LHFPL3: variants seen among roughly 807,000 people sequenced by gnomAD.
LHFPL3 encodes LHFPL tetraspan subfamily member 3 protein.
In LHFPL3, 5 loss-of-function variants were observed where a neutral mutation model predicts 19.3. The observed-to-expected ratio is 0.26, with a 90% CI of 0.14 to 0.54. The LOEUF is 0.54. LHFPL3 is among the 20% of genes least tolerant of loss of function. The pLI is 0.94. For synonymous variants in LHFPL3, 133 were observed against 126.2 expected (o/e 1.05, Z -0.36); for missense variants, 249 against 307.4 (o/e 0.81, Z 1.42).
At chr7:104,751,332 G>T (rs1464303468) in intron 2 of LHFPL3, among the ~76,000 whole-genome samples, 2 of 151,546 alleles carry the variant, frequency 1.3e-5, no homozygotes, top group Non-Finnish European at 2.9e-5. Context: ...TCAGGGTAGG[G>T]CTCTTTTGAA....
chr7:104,541,281 T>C (rs182969833), intron 1 of LHFPL3, among the ~76,000 whole-genome samples: 6 of 152,270 alleles, frequency 3.9e-5, no homozygotes, highest in Non-Finnish European at 7.4e-5. Context: ...ATTGCATTAG[T>C]GGTTCACTTA....
chr7:104,639,839 T>C (rs995139432), intron 1 of LHFPL3, among the ~76,000 whole-genome samples: 2 of 152,238 alleles, frequency 1.3e-5, no homozygotes, highest in Non-Finnish European at 2.9e-5. Context: ...ATAATTCCTC[T>C]AAACTGTATA....
chr7:104,528,357 G>T (rs1457468168), intron 1 of LHFPL3, among the ~76,000 whole-genome samples: 1 of 152,192 alleles, frequency 6.6e-6, no homozygotes, highest in East Asian at 1.9e-4. Context: ...AAACAATGTT[G>T]TAATAAGGAA....
chr7:104,385,110 C>G (rs144331871), intron 1 of LHFPL3, among the ~76,000 whole-genome samples: 15 of 152,194 alleles, frequency 9.9e-5, no homozygotes, highest in Admixed American at 9.2e-4. Context: ...GCCTGTAATC[C>G]CAGCATTTCA....
rs571171040 is a variant in LHFPL3, at chr7:104,365,787, C to CAAAAAAAAA, written c.445+36573_445+36581dup. Reference sequence around the variant, plus strand: ...TGGGCGACAGAGCGAGACTCCGTCTCAAAAAAAAAAAAAAAAAAGAAAAGC... The same window carrying CAAAAAAAAA: ...TGGGCGACAGAGCGAGACTCCGTCTCAAAAAAAAAAAAAAAAAAAAAAAAAAAGAAAAGC... On this transcript the variant is annotated intron_variant, in intron 1 of 2. Coordinates refer to ENST00000424859, the MANE Select transcript of LHFPL3 (RefSeq NM_199000.3). Among the ~76,000 whole-genome samples the CAAAAAAAAA allele has an allele frequency of 2.6e-3, 130 of 49,944 alleles. 1 individual carries two copies. Among genetic ancestry groups the CAAAAAAAAA allele is most frequent in the African/African-American group, 0.01 (122 of 12,126 alleles). The allele number at this position is 49,944 out of a possible 152,430, so 32.8% of individuals were successfully genotyped here.
At chr7:104,391,266 A>G (rs1268218456) in intron 1 of LHFPL3, among the ~76,000 whole-genome samples, 3 of 152,166 alleles carry the variant, frequency 2.0e-5, no homozygotes, top group Non-Finnish European at 2.9e-5. Flanking sequence ...GCCCATGCCT[A>G]TGTCCTGAAT....
chr7:104,391,153 T>C (rs1791059103), intron 1 of LHFPL3, among the ~76,000 whole-genome samples: 1 of 152,226 alleles, frequency 6.6e-6, no homozygotes, highest in Non-Finnish European at 1.5e-5. Context: ...ACTCTGATGG[T>C]ACTTTCTTTT....
chr7:104,627,316 A>G (rs540066040), intron 1 of LHFPL3, among the ~76,000 whole-genome samples: 38 of 152,098 alleles, frequency 2.5e-4, no homozygotes, highest in Non-Finnish European at 4.6e-4. Flanking sequence ...CTTCTTTTTT[A>G]AGGCTGAACA....
chr7:104,904,117 C>T lies in LHFPL3; in HGVS notation c.683-2070C>T, dbSNP rs142782031. 1.7e-3 allele frequency among the ~76,000 whole-genome samples: 258 copies of T among 152,272 alleles called. 3 individuals are homozygous for T. The highest frequency in any genetic ancestry group is 6.0e-3 in the African/African-American group (248 of 41,550). On this transcript the variant is annotated intron_variant, in intron 2 of 2. Coordinates refer to ENST00000424859, the MANE Select transcript of LHFPL3 (RefSeq NM_199000.3). The stretch of plus-strand genomic sequence containing the variant: ...CTCAATCTCAGATAATCATTATAGA[C>T]TAATCATCATTATGACATGATCATA...
In LHFPL3 at chr7:104,714,374, A is replaced by G. The variant is rs1335531638; in HGVS notation, c.446-22301A>G. Among the ~76,000 whole-genome samples, 8 of 152,180 alleles carry G rather than the reference A, an allele frequency of 5.3e-5. No individual in the cohort carries two copies. In the South Asian group the frequency reaches 6.2e-4, roughly 12 times the overall value. ...TAGCCAAACATATTGTAAATTATCT[A>G]TTTTTCACCATCTGGATAAATTGCT... On this transcript the variant is annotated intron_variant, in intron 1 of 2. Transcript: ENST00000424859.
chr7:104,754,632 A>G (rs1258210982), intron 2 of LHFPL3, among the ~76,000 whole-genome samples: 1 of 152,238 alleles, frequency 6.6e-6, no homozygotes, highest in African/African-American at 2.4e-5. Context: ...TGCTTAATAT[A>G]TAATTAGTAT....
intron 2 of LHFPL3, among the ~76,000 whole-genome samples, chr7:104,776,246 G>A (rs529064058): frequency 7.9e-5 from 12 of 152,276 alleles, no homozygotes; most frequent in African/African-American, 2.9e-4. Context: ...AAATGTATTT[G>A]GAAATACAAC....
intron 1 of LHFPL3, among the ~76,000 whole-genome samples, chr7:104,726,037 G>C (rs1793584517): frequency 8.4e-6 from 1 of 118,588 alleles, no homozygotes. Context: ...GGGTGACAGA[G>C]TGAGACTCCA....
chr7:104,859,400 G>A (rs1791571862), intron 2 of LHFPL3, among the ~76,000 whole-genome samples: 1 of 152,134 alleles, frequency 6.6e-6, no homozygotes, highest in African/African-American at 2.4e-5. Context: ...CAGGCATGGT[G>A]GCTCATGCCT....
chr7:104,737,599 G>A (rs1325173907), intron 2 of LHFPL3, among the ~76,000 whole-genome samples: 3 of 152,192 alleles, frequency 2.0e-5, no homozygotes, highest in Non-Finnish European at 4.4e-5. Context: ...CAAATAAGAG[G>A]TAGCAAGTTG....
intron 2 of LHFPL3, among the ~76,000 whole-genome samples, chr7:104,805,655 C>T (rs1271148763): frequency 6.6e-6 from 1 of 152,220 alleles, no homozygotes; most frequent in African/African-American, 2.4e-5. Context: ...TGTACAAAAG[C>T]TTCCAGCCAC....
chr7:104,807,009 A>ATGTGTGTG (rs750104248), intron 2 of LHFPL3, among the ~76,000 whole-genome samples: 850 of 71,242 alleles, frequency 0.012, 3 homozygotes, highest in Non-Finnish European at 0.019. Flanking sequence ...ACCAAAATAT[A>ATGTGTGTG]TATGTGTGTG....
At chr7:104,796,103 A>G (rs1790120700) in intron 2 of LHFPL3, among the ~76,000 whole-genome samples, 1 of 152,154 alleles carries the variant, frequency 6.6e-6, no homozygotes, top group Non-Finnish European at 1.5e-5. Context: ...TTTCAATAGC[A>G]GCTTTAAATC....
At chr7:104,879,458 G>A (rs1792006713) in intron 2 of LHFPL3, among the ~76,000 whole-genome samples, 1 of 152,046 alleles carries the variant, frequency 6.6e-6, no homozygotes, top group Non-Finnish European at 1.5e-5. Flanking sequence ...AATATCTCAT[G>A]ACTGTAATCC....
Sources: allele counts gnomAD v4.1 joint callset (sites outside exome capture counted in the v4.1 genomes callset), GRCh38; gene constraint gnomAD v4.1.1; transcripts MANE v1.5; gene names NCBI Gene and HGNC (gene_info 2026-07-23, HGNC 2026-07-21).